Variants in ADAMTS3 observed in about 807,000 individuals in gnomAD.
ADAMTS3 encodes the protein A disintegrin and metalloproteinase with thrombospondin motifs 3.
A neutral mutation model predicts 129.0 loss-of-function variants in ADAMTS3; 73 were observed. The observed-to-expected ratio is 0.57, with a 90% confidence interval of 0.47 to 0.69. The LOEUF is 0.69. Among genes scored for constraint, ADAMTS3 ranks in the 30% least tolerant of loss-of-function variants. The pLI, the probability that ADAMTS3 is intolerant of heterozygous loss-of-function variation, is 0.00. For synonymous variants in ADAMTS3, 477 were observed against 510.8 expected, an observed-to-expected ratio of 0.93 and a Z score of 0.89; for missense variants, 1,457 against 1,514.5, an observed-to-expected ratio of 0.96 and a Z score of 0.63.
At chr4:72,497,322 G>GC (rs1368549765) in intron 3 of ADAMTS3, among the ~76,000 whole-genome samples, 2 of 151,848 alleles carry the variant, frequency 1.3e-5, no homozygotes, top group Admixed American at 1.3e-4. Context: ...TGCAGGATAA[G>GC]CAAGGCCTCA....
intron 4 of ADAMTS3, among the ~76,000 whole-genome samples, chr4:72,394,454 A>G (rs1721675617): frequency 6.6e-6 from 1 of 152,216 alleles, no homozygotes; most frequent in Non-Finnish European, 1.5e-5. Flanking sequence ...CTGACAAAGA[A>G]GCTGTCTTAA....
chr4:72,511,209 T>C (rs1720305164), intron 3 of ADAMTS3, among the ~76,000 whole-genome samples: 1 of 152,148 alleles, frequency 6.6e-6, no homozygotes, highest in African/African-American at 2.4e-5. Context: ...TCCAGGATAT[T>C]GATCTGGACA....
chr4:72,409,701 T>C (rs1722141444), intron 4 of ADAMTS3, among the ~76,000 whole-genome samples: 1 of 152,180 alleles, frequency 6.6e-6, no homozygotes, highest in Admixed American at 6.5e-5. Flanking sequence ...AATAAAGTAT[T>C]ATCCTTTATG....
chr4:72,348,878 C>T (rs1720356856), intron 4 of ADAMTS3, among the ~76,000 whole-genome samples: 1 of 151,772 alleles, frequency 6.6e-6, no homozygotes, highest in Admixed American at 6.6e-5. Flanking sequence ...CTGCCAACAA[C>T]CTGAATGAGC....
chr4:72,432,228 A>G (rs982385560), intron 3 of ADAMTS3, among the ~76,000 whole-genome samples: 1 of 151,740 alleles, frequency 6.6e-6, no homozygotes, highest in Non-Finnish European at 1.5e-5. Context: ...GATAAATGCT[A>G]CTTCTCAGCT....
At chr4:72,449,634 T>C (rs1377289744) in intron 3 of ADAMTS3, among the ~76,000 whole-genome samples, 1 of 151,764 alleles carries the variant, frequency 6.6e-6, no homozygotes, top group Non-Finnish European at 1.5e-5. Flanking sequence ...AAGATGAACA[T>C]TTTCAAAAAG....
At position 72,305,993 on chromosome 4, in the gene ADAMTS3, T is replaced by G; in HGVS notation, c.2254A>C (p.Ile752Leu). 6.2e-7 allele frequency: 1 copy of G among 1,611,040 alleles called. No homozygotes were observed. Among genetic ancestry groups the G allele is most frequent in the Non-Finnish European group, 8.5e-7 (1 of 1,178,338 alleles). Reference protein sequence around the residue: ...LIQEDEASPHILAIKNQATGH... With the variant: ...LIQEDEASPHLLAIKNQATGH... ...AGCAGACAGAAACACTTACCAAGAATATGAGGAGAAGCCTCGTCTTCTTGG... is the reference window on the plus strand; with the variant it reads ...AGCAGACAGAAACACTTACCAAGAAGATGAGGAGAAGCCTCGTCTTCTTGG... Residue 752 changes from isoleucine (I) to leucine (L), a missense_variant, in exon 16 of 22, where the codon ATT (isoleucine) becomes CTT (leucine). Ile to Leu is a conservative substitution (Grantham distance 5, BLOSUM62 2). Transcript: ENST00000286657.
At chr4:72,491,227 T>C (rs1347911749) in intron 3 of ADAMTS3, among the ~76,000 whole-genome samples, 1 of 151,798 alleles carries the variant, frequency 6.6e-6, no homozygotes, top group Non-Finnish European at 1.5e-5. Flanking sequence ...TTGTTGTTCA[T>C]TCTTTAGAGT....
At chr4:72,415,979 A>G (rs984119100) in intron 3 of ADAMTS3, among the ~76,000 whole-genome samples, 8 of 151,846 alleles carry the variant, frequency 5.3e-5, no homozygotes, top group African/African-American at 1.9e-4. Flanking sequence ...TAGAGATGCC[A>G]TATTTTTTCT....
chr4:72,438,852 G>A lies in ADAMTS3; in HGVS notation c.505-23881C>T, dbSNP rs1272333283. Among the ~76,000 whole-genome samples, 4 of 151,594 alleles carry A rather than the reference G, an allele frequency of 2.6e-5. No individual in the cohort carries two copies. In the East Asian group the frequency reaches 5.9e-4, roughly 22 times the overall value. On this transcript the variant is annotated intron_variant, in intron 3 of 21. Transcript: ENST00000286657. ...CCTCTCTGCACTACATTTTGAGAAC[G>A]GCAGTGCTAAGACATCAAAAAAGAT... is the stretch of plus-strand genomic sequence containing the variant.
chr4:72,525,502 TTAAAA>T (rs1211062018), intron 3 of ADAMTS3, among the ~76,000 whole-genome samples: 5 of 152,310 alleles, frequency 3.3e-5, no homozygotes, highest in South Asian at 2.1e-4. Context: ...GAACTGACAC[TTAAAA>T]TAAACTTTTA....
intron 4 of ADAMTS3, among the ~76,000 whole-genome samples, chr4:72,399,411 C>T (rs1386329752): frequency 6.6e-6 from 1 of 151,996 alleles, no homozygotes; most frequent in Non-Finnish European, 1.5e-5. Context: ...CCAGCCTGGG[C>T]AATAGAACAA....
intron 14 of ADAMTS3, among the ~76,000 whole-genome samples, chr4:72,309,848 C>T (rs1023211005): frequency 3.9e-5 from 6 of 152,062 alleles, no homozygotes; most frequent in Admixed American, 6.6e-5. Context: ...CAAGACAGTG[C>T]TTTTCCCTTG....
intron 4 of ADAMTS3, among the ~76,000 whole-genome samples, chr4:72,386,172 T>C (rs1433811261): frequency 6.6e-6 from 1 of 152,162 alleles, no homozygotes; most frequent in Non-Finnish European, 1.5e-5. Flanking sequence ...GGTAAACTCT[T>C]CAAAATGTCT....
chr4:72,324,552 T>C (rs752340620), intron 5 of ADAMTS3, among the ~76,000 whole-genome samples: 1 of 152,136 alleles, frequency 6.6e-6, no homozygotes, highest in Admixed American at 6.6e-5. Flanking sequence ...TATACACACA[T>C]ACATTTATAC....
intron 3 of ADAMTS3, among the ~76,000 whole-genome samples, chr4:72,454,654 A>T (rs1255490301): frequency 6.6e-6 from 1 of 151,682 alleles, no homozygotes; most frequent in Non-Finnish European, 1.5e-5. Context: ...TAATTCAAAA[A>T]TTACCTTTGT....
chr4:72,312,247 A>G lies in ADAMTS3; in HGVS notation c.1921+44T>C, dbSNP rs369422446. Reference sequence around the variant, plus strand: ...TCGTGCTGGCAAAGCTTAAACTGTGAGTAACCATCCACACAGCAGGAAGGA... The same window carrying G: ...TCGTGCTGGCAAAGCTTAAACTGTGGGTAACCATCCACACAGCAGGAAGGA... On this transcript the variant is annotated intron_variant, in intron 13 of 21. Transcript: ENST00000286657. 2.4e-5 allele frequency: 39 copies of G among 1,603,642 alleles called. No homozygotes were observed. In the African/African-American group the frequency reaches 4.0e-4, roughly 17 times the overall value.
rs536009460 is a variant in ADAMTS3 at position 72,549,673 on chromosome 4, T to C, written c.98-789A>G. On this transcript the variant is annotated intron_variant, in intron 2 of 21. Coordinates refer to ENST00000286657, the MANE Select transcript of ADAMTS3 (RefSeq NM_014243.3). Reference sequence around the variant, plus strand: ...GGTTAGTCAAGAGGGAACAGCATTCTCATTTTGCACCTTATTCCTTAAGTG... The same window carrying C: ...GGTTAGTCAAGAGGGAACAGCATTCCCATTTTGCACCTTATTCCTTAAGTG... Among the ~76,000 whole-genome samples, 4 of 152,120 alleles carry C rather than the reference T, an allele frequency of 2.6e-5. No individual in the cohort carries two copies. The South Asian group carries it at 8.3e-4, about 32-fold the overall frequency.
chr4:72,467,862 A>C (rs946915184), intron 3 of ADAMTS3, among the ~76,000 whole-genome samples: 1 of 152,078 alleles, frequency 6.6e-6, no homozygotes, highest in African/African-American at 2.4e-5. Flanking sequence ...CTCATGACTC[A>C]TCTTTGTATC....
Sources: allele counts gnomAD v4.1 joint callset (sites outside exome capture counted in the v4.1 genomes callset), GRCh38; gene constraint gnomAD v4.1.1; transcripts MANE v1.5; gene names NCBI Gene and HGNC (gene_info 2026-07-23, HGNC 2026-07-21).